UTRN: variants seen among roughly 807,000 people sequenced by gnomAD.
The protein encoded by UTRN is utrophin.
A neutral mutation model predicts 463.9 loss-of-function variants in UTRN; 283 were observed. That is an observed-to-expected ratio of 0.61 (90% CI 0.55 to 0.67). The LOEUF (loss-of-function observed/expected upper bound fraction) is 0.67. UTRN is among the 30% of genes least tolerant of loss of function. The pLI is 0.00. For synonymous variants in UTRN, 1,442 were observed against 1,431.5 expected (o/e 1.01, Z -0.17); for missense variants, 3,922 against 4,084.3 (o/e 0.96, Z 1.08).
In UTRN at chr6:144,827,328, T is replaced by C. The variant is rs1363684900; in HGVS notation, c.9495-20T>C. The C allele has an allele frequency of 1.9e-6, 3 of 1,612,994 alleles. No homozygotes were observed. Among genetic ancestry groups the C allele is most frequent in the Admixed American group, 3.3e-5 (2 of 59,922 alleles). The stretch of plus-strand genomic sequence containing the variant: ...AAGTGTTTGTTCTGTGACTTTTGTC[T>C]CCCTCTCCCCTCTTTGCAGTCCTAT... On this transcript the variant is annotated intron_variant, in intron 66 of 74. Transcript: ENST00000367545.
At chr6:144,796,953 T>C (rs1487026759) in intron 63 of UTRN, among the ~76,000 whole-genome samples, 1 of 152,246 alleles carries the variant, frequency 6.6e-6, no homozygotes, top group Non-Finnish European at 1.5e-5. Context: ...TATTTAGCTT[T>C]GCACATAGGA....
chr6:144,288,222 A>G (rs1165892460), intron 1 of UTRN, among the ~76,000 whole-genome samples: 1 of 152,222 alleles, frequency 6.6e-6, no homozygotes. Flanking sequence ...TGCAACCTGT[A>G]AGGGATTTTC....
At chr6:144,599,300 T>A (rs2103276) in intron 51 of UTRN, among the ~76,000 whole-genome samples, 37,625 of 152,032 alleles carry the variant, frequency 0.25, 5,132 homozygotes, top group African/African-American at 0.35. Context: ...AGTAGTTCTC[T>A]TGATATTATT....
rs1023918106 is a variant in UTRN at position 144,415,507 on chromosome 6, G to A, written c.142-6371G>A. On this transcript the variant is annotated intron_variant, in intron 3 of 74. Transcript: ENST00000367545. Reference sequence around the variant, plus strand: ...ATCTTACTTTCTTATTCAATTTTTTGTAGATTTTTTTCTATTACTACTACT... The same window carrying A: ...ATCTTACTTTCTTATTCAATTTTTTATAGATTTTTTTCTATTACTACTACT... 2.6e-5 allele frequency among the ~76,000 whole-genome samples: 4 copies of A among 152,248 alleles called. 1 individual carries two copies. In the South Asian group the frequency reaches 8.3e-4, roughly 32 times the overall value.
intron 33 of UTRN, among the ~76,000 whole-genome samples, chr6:144,497,131 T>G (rs1432113844): frequency 6.6e-6 from 1 of 152,144 alleles, no homozygotes; most frequent in East Asian, 1.9e-4. Flanking sequence ...ACTCACTGCA[T>G]TTTGGAAGAG....
rs77102867 is a variant in UTRN at position 144,501,707 on chromosome 6, A to G, written c.4764+2280A>G. 2.5e-3 allele frequency among the ~76,000 whole-genome samples: 376 copies of G among 152,332 alleles called. 13 individuals carry two copies. In the East Asian group the frequency reaches 0.059, roughly 24 times the overall value. On this transcript the variant is annotated intron_variant, in intron 34 of 74. Transcript: ENST00000367545. Reference sequence around the variant, plus strand: ...TATTATAGATAACGCTATGGTGAATATATTAAACCATATCATACATTCATA... The same window carrying G: ...TATTATAGATAACGCTATGGTGAATGTATTAAACCATATCATACATTCATA...
intron 35 of UTRN, among the ~76,000 whole-genome samples, chr6:144,513,090 T>C (rs1795314669): frequency 6.6e-6 from 1 of 152,192 alleles, no homozygotes; most frequent in Non-Finnish European, 1.5e-5. Flanking sequence ...GTCAAGCACA[T>C]TTCATGTCCT....
At chr6:144,465,726 G>C (rs147989772) in intron 23 of UTRN, among the ~76,000 whole-genome samples, 4 of 152,018 alleles carry the variant, frequency 2.6e-5, no homozygotes, top group African/African-American at 9.6e-5. Context: ...CAAATTATTA[G>C]ATAATTATAA....
intron 74 of UTRN, among the ~76,000 whole-genome samples, chr6:144,849,074 T>A (rs1782267246): frequency 6.6e-6 from 1 of 151,954 alleles, no homozygotes; most frequent in Admixed American, 6.6e-5. Flanking sequence ...GATGCAGATA[T>A]TGATTAGAGC....
intron 51 of UTRN, among the ~76,000 whole-genome samples, chr6:144,606,500 A>T (rs1216487641): frequency 6.6e-6 from 1 of 152,196 alleles, no homozygotes; most frequent in Non-Finnish European, 1.5e-5. Context: ...GCATTTTCTC[A>T]TTCCAGTAAG....
At chr6:144,361,569 T>C (rs1223890570) in intron 2 of UTRN, among the ~76,000 whole-genome samples, 2 of 151,926 alleles carry the variant, frequency 1.3e-5, no homozygotes, top group Non-Finnish European at 2.9e-5. Flanking sequence ...AAGTCCCTTG[T>C]TCTTTAAAAA....
intron 51 of UTRN, among the ~76,000 whole-genome samples, chr6:144,640,189 A>C (rs1434193352): frequency 2.0e-5 from 3 of 152,150 alleles, no homozygotes; most frequent in Non-Finnish European, 4.4e-5. Context: ...TCGTGGAAAC[A>C]TCTCCCCCCT....
At chr6:144,729,614 T>C (rs1161054986) in intron 53 of UTRN, among the ~76,000 whole-genome samples, 1 of 152,214 alleles carries the variant, frequency 6.6e-6, no homozygotes, top group Admixed American at 6.5e-5. Flanking sequence ...TGGGAAAATC[T>C]TCATTACTCT....
At chr6:144,384,930 T>C (rs1781278968) in intron 2 of UTRN, among the ~76,000 whole-genome samples, 1 of 152,154 alleles carries the variant, frequency 6.6e-6, no homozygotes, top group Non-Finnish European at 1.5e-5. Context: ...TTGCATATGC[T>C]TTTTACTCAG....
intron 2 of UTRN, among the ~76,000 whole-genome samples, chr6:144,374,413 G>A (rs553960068): frequency 2.0e-5 from 3 of 151,820 alleles, no homozygotes; most frequent in Non-Finnish European, 2.9e-5. Context: ...AGGCCAAGGC[G>A]GGCGGATAAC....
chr6:144,432,830 C>A (rs575460487), intron 9 of UTRN, among the ~76,000 whole-genome samples: 101 of 152,178 alleles, frequency 6.6e-4, no homozygotes, highest in African/African-American at 2.3e-3. Context: ...GAGGACCCTG[C>A]GGCCTTCCGC....
At chr6:144,764,798 C>A (rs1270749992) in intron 58 of UTRN, among the ~76,000 whole-genome samples, 1 of 151,758 alleles carries the variant, frequency 6.6e-6, no homozygotes, top group Non-Finnish European at 1.5e-5. Context: ...TTTAAAAATA[C>A]ATAAAAGAAA....
At chr6:144,843,126 G>A (rs1781735266) in intron 73 of UTRN, among the ~76,000 whole-genome samples, 1 of 152,080 alleles carries the variant, frequency 6.6e-6, no homozygotes, top group Non-Finnish European at 1.5e-5. Flanking sequence ...TTTTAGTTCA[G>A]CTTATACCTA....
chr6:144,772,008 G>A, intron 59 of UTRN, 40 bp downstream of exon 59: 1 of 316,988 alleles, frequency 3.2e-6, no homozygotes, highest in Non-Finnish European at 6.2e-6. Context: ...CTAAACAACT[G>A]AGAACCGGTT....
Sources: allele counts gnomAD v4.1 joint callset (sites outside exome capture counted in the v4.1 genomes callset), GRCh38; gene constraint gnomAD v4.1.1; transcripts MANE v1.5; gene names NCBI Gene and HGNC (gene_info 2026-07-23, HGNC 2026-07-21).